The following TOX2 variants were observed in gnomAD, a reference collection of about 807,000 sequenced individuals.
The protein encoded by TOX2 is granulosa cell HMG box 1.
TOX2 carries 15 observed loss-of-function variants against 47.4 expected under a neutral mutation model. The observed-to-expected ratio is 0.32, with a 90% CI of 0.21 to 0.49. TOX2 has a LOEUF of 0.49. TOX2 is among the 20% of genes least tolerant of loss of function. The pLI is 0.99. For missense variants in TOX2, 622 were observed against 673.1 expected (o/e 0.92, Z 0.84); for synonymous variants, 290 against 296.6 (o/e 0.98, Z 0.23).
chr20:43,990,369 G>A (rs1319358168), intron 2 of TOX2, among the ~76,000 whole-genome samples: 3 of 152,184 alleles, frequency 2.0e-5, no homozygotes, highest in Admixed American at 6.5e-5. Flanking sequence ...GGGAGTGGAT[G>A]AGCTCTGGGT....
At chr20:44,035,540 G>A (rs776931475) in intron 3 of TOX2, among the ~76,000 whole-genome samples, 15 of 152,152 alleles carry the variant, frequency 9.9e-5, no homozygotes, top group Non-Finnish European at 1.9e-4. Context: ...CACACAAGGC[G>A]TCTTGAAGGA....
At chr20:44,062,356 C>T (rs2071732567) in intron 5 of TOX2, among the ~76,000 whole-genome samples, 1 of 144,856 alleles carries the variant, frequency 6.9e-6, no homozygotes, top group Non-Finnish European at 1.5e-5. Context: ...AACTCAACCC[C>T]CTTTAACTGC....
intron 1 of TOX2, among the ~76,000 whole-genome samples, chr20:43,972,654 T>C (rs1028443685): frequency 1.3e-5 from 2 of 152,204 alleles, no homozygotes; most frequent in African/African-American, 4.8e-5. Flanking sequence ...AGGCACCAAC[T>C]TGAGATCACA....
rs11483515 is a variant in TOX2, at chr20:43,966,753, CA to C, written c.100-6597del. 7.3e-3 allele frequency among the ~76,000 whole-genome samples: 662 copies of C among 91,056 alleles called. 4 individuals are homozygous for C. The highest frequency in any genetic ancestry group is 0.044 in the Middle Eastern group (7 of 160). 59.7% of individuals were successfully genotyped at this position (91,056 alleles called of 152,430 possible). On this transcript the variant is annotated intron_variant, in intron 1 of 8. Coordinates refer to ENST00000341197, the MANE Select transcript of TOX2 (RefSeq NM_001098797.2). ...TGGGCGACAGAGCAAAACTCTGTCT[CA>C]AAAAAAAAAAAAAAAAGTGGGGGCA...
chr20:43,962,060 G>A (rs1404141492), intron 1 of TOX2, among the ~76,000 whole-genome samples: 3 of 152,208 alleles, frequency 2.0e-5, no homozygotes, highest in African/African-American at 7.2e-5. Flanking sequence ...TTGTCTGTTT[G>A]GAATGTGCAA....
intron 4 of TOX2, among the ~76,000 whole-genome samples, chr20:44,053,939 G>A (rs554672127): frequency 6.6e-6 from 1 of 152,300 alleles, no homozygotes; most frequent in East Asian, 1.9e-4. Flanking sequence ...CTGTCCAGTA[G>A]AAAAGATTAA....
chr20:43,919,769 C>G (rs914705773), intron 1 of TOX2, among the ~76,000 whole-genome samples: 1 of 152,288 alleles, frequency 6.6e-6, no homozygotes, highest in South Asian at 2.1e-4. Flanking sequence ...TGAGAACATG[C>G]GGTGTTTGGT....
chr20:43,930,511 G>A (rs959133081), intron 1 of TOX2, among the ~76,000 whole-genome samples: 7 of 152,188 alleles, frequency 4.6e-5, no homozygotes, highest in African/African-American at 1.7e-4. Context: ...ACCCTTTGGG[G>A]CAAGGCTGGC....
intron 8 of TOX2, among the ~76,000 whole-genome samples, chr20:44,067,420 C>CTG (rs1327477801): frequency 1.3e-5 from 2 of 152,146 alleles, no homozygotes; most frequent in African/African-American, 4.8e-5. Context: ...CAGCCCTTGG[C>CTG]TGTGGGCTGC....
At chr20:44,028,066 G>A (rs1297381671) in intron 3 of TOX2, among the ~76,000 whole-genome samples, 4 of 152,214 alleles carry the variant, frequency 2.6e-5, no homozygotes, top group Non-Finnish European at 4.4e-5. Flanking sequence ...CCAGAGCCAT[G>A]TACACACTCA....
intron 2 of TOX2, among the ~76,000 whole-genome samples, chr20:44,002,543 A>G (rs1249893586): frequency 2.0e-5 from 3 of 152,212 alleles, no homozygotes; most frequent in African/African-American, 4.8e-5. Flanking sequence ...CACATGAGGA[A>G]ACTGAGGCAC....
intron 1 of TOX2, among the ~76,000 whole-genome samples, chr20:43,969,771 C>T (rs2069930191): frequency 2.6e-5 from 4 of 152,238 alleles, no homozygotes; most frequent in Admixed American, 2.6e-4. Context: ...TCAGGCCCTG[C>T]CTCGGGAACC....
Position 44,069,254 on chromosome 20 carries a change from A to G in TOX2, c.*568A>G. The G allele has an allele frequency of 1.7e-5, 4 of 239,274 alleles. No individual in the cohort carries two copies. In the South Asian group the frequency reaches 2.0e-4, roughly 12 times the overall value. 14.8% of individuals were successfully genotyped at this position (239,274 alleles called of 1,614,324 possible). A position where few individuals can be genotyped will look rare whatever the true frequency, so the allele number is the denominator to read the frequency against. ...TTTCCTTTAAGGTAAAAAGCATTTT[A>G]TATGATCCTTAGCACATTTTTAAGT... On this transcript the variant is annotated 3_prime_UTR_variant, in exon 9 of 9. Transcript: ENST00000341197.
chr20:43,994,612 C>T (rs1461166473), intron 2 of TOX2, among the ~76,000 whole-genome samples: 1 of 152,134 alleles, frequency 6.6e-6, no homozygotes, highest in Non-Finnish European at 1.5e-5. Flanking sequence ...TTAAGTTCTG[C>T]TGGGACTGCT....
At chr20:44,007,206 G>A (rs956649288) in intron 3 of TOX2, 1 of 187,076 alleles carries the variant, frequency 5.3e-6, no homozygotes, top group Admixed American at 5.4e-5. Flanking sequence ...CCATTAACAC[G>A]ATTGATTTTA....
chr20:44,002,176 C>T lies in TOX2; in HGVS notation c.166-4371C>T, dbSNP rs200188664. Among the ~76,000 whole-genome samples, 16 of 152,338 alleles carry T rather than the reference C, an allele frequency of 1.1e-4. No individual in the cohort carries two copies. The East Asian group carries it at 2.1e-3, about 20-fold the overall frequency. On this transcript the variant is annotated intron_variant, in intron 2 of 8. Transcript: ENST00000341197. Reference sequence around the variant, plus strand: ...CCACCTCCAGGAAGCCTTCCCAACCCCTCTGCCCATTCTAAGGCAAGACTC... The same window carrying T: ...CCACCTCCAGGAAGCCTTCCCAACCTCTCTGCCCATTCTAAGGCAAGACTC...
chr20:43,934,164 A>AGAGC, intron 1 of TOX2, among the ~76,000 whole-genome samples: 1 of 150,654 alleles, frequency 6.6e-6, no homozygotes, highest in Admixed American at 6.6e-5. Context: ...AGAGAGAGAG[A>AGAGC]GAGACCTGCC....
chr20:43,921,394 T>C (rs550553585), intron 1 of TOX2, among the ~76,000 whole-genome samples: 2 of 152,344 alleles, frequency 1.3e-5, no homozygotes, highest in Admixed American at 1.3e-4. Flanking sequence ...GTTTGAACAC[T>C]GCCTTCACCA....
intron 1 of TOX2, among the ~76,000 whole-genome samples, chr20:43,956,831 T>C (rs1395241283): frequency 6.6e-6 from 1 of 152,152 alleles, no homozygotes; most frequent in Admixed American, 6.5e-5. Context: ...TTGAATCAGG[T>C]GTCCCTTTTT....
Sources: allele counts gnomAD v4.1 joint callset (sites outside exome capture counted in the v4.1 genomes callset), GRCh38; gene constraint gnomAD v4.1.1; transcripts MANE v1.5; gene names NCBI Gene and HGNC (gene_info 2026-07-23, HGNC 2026-07-21).